The following HECW1 variants were observed in gnomAD, a reference collection of about 807,000 sequenced individuals.
HECW1 encodes HECT, C2 and WW domain containing E3 ubiquitin protein ligase 1.
Under a neutral mutation model 182.3 loss-of-function variants are expected in HECW1, and 61 were observed. The observed-to-expected ratio is 0.33, with a 90% CI of 0.27 to 0.41. The LOEUF is 0.41. Among genes scored for constraint, HECW1 ranks in the 10% least tolerant of loss-of-function variants. The pLI is 1.00. For missense variants in HECW1, 1,739 were observed against 2,108.9 expected (o/e 0.82, Z 3.44); for synonymous variants, 859 against 832.6 (o/e 1.03, Z -0.55).
chr7:43,372,684 G>A (rs920666681), intron 6 of HECW1, among the ~76,000 whole-genome samples: 1 of 151,554 alleles, frequency 6.6e-6, no homozygotes, highest in African/African-American at 2.4e-5. Flanking sequence ...TTTTTACAAG[G>A]AAAAAGCCTT....
At chr7:43,561,134 C>T (rs573345459) in intron 29 of HECW1, among the ~76,000 whole-genome samples, 36 of 152,316 alleles carry the variant, frequency 2.4e-4, no homozygotes, top group Non-Finnish European at 4.3e-4. Flanking sequence ...TAGCCTCTGG[C>T]GAGGAAGACA....
At chr7:43,382,953 C>T (rs1327143001) in intron 6 of HECW1, among the ~76,000 whole-genome samples, 1 of 152,096 alleles carries the variant, frequency 6.6e-6, no homozygotes, top group African/African-American at 2.4e-5. Context: ...CCCAACAGGC[C>T]CCAGTGTGTG....
At chr7:43,332,686 A>G (rs933537898) in intron 5 of HECW1, among the ~76,000 whole-genome samples, 8 of 152,166 alleles carry the variant, frequency 5.3e-5, no homozygotes, top group Non-Finnish European at 1.0e-4. Flanking sequence ...TCCCTGGGGA[A>G]CAGTACATGG....
intron 5 of HECW1, among the ~76,000 whole-genome samples, chr7:43,322,773 T>C (rs188397324): frequency 5.3e-5 from 8 of 152,324 alleles, no homozygotes; most frequent in African/African-American, 1.9e-4. Flanking sequence ...AATACTCGAA[T>C]GTGTGCACAA....
intron 26 of HECW1, among the ~76,000 whole-genome samples, chr7:43,545,322 A>T (rs924043301): frequency 4.6e-5 from 7 of 152,238 alleles, no homozygotes; most frequent in African/African-American, 1.7e-4. Flanking sequence ...AAATAACTGA[A>T]TGCATAAAAT....
At chr7:43,458,763 C>T (rs929493897) in intron 13 of HECW1, among the ~76,000 whole-genome samples, 7 of 152,130 alleles carry the variant, frequency 4.6e-5, no homozygotes, top group African/African-American at 1.2e-4. Flanking sequence ...ATCTCACATG[C>T]GACCACACAG....
At chr7:43,508,554 A>G (rs902941597) in intron 23 of HECW1, among the ~76,000 whole-genome samples, 1 of 152,156 alleles carries the variant, frequency 6.6e-6, no homozygotes, top group Non-Finnish European at 1.5e-5. Flanking sequence ...TATCAAAATG[A>G]ACTTGGAAGC....
At chr7:43,358,787 C>G (rs577263473) in intron 5 of HECW1, among the ~76,000 whole-genome samples, 21 of 151,272 alleles carry the variant, frequency 1.4e-4, no homozygotes, top group Admixed American at 1.2e-3. Context: ...AGCAATTTGG[C>G]CCCAGGAAGG....
chr7:43,170,894 G>A (rs1254093396), intron 2 of HECW1, among the ~76,000 whole-genome samples: 3 of 152,184 alleles, frequency 2.0e-5, no homozygotes, highest in Non-Finnish European at 2.9e-5. Flanking sequence ...GAGTGTCCTT[G>A]CCCACACAGG....
chr7:43,368,706 A>G (rs763204790), intron 6 of HECW1, among the ~76,000 whole-genome samples: 1 of 152,134 alleles, frequency 6.6e-6, no homozygotes, highest in Non-Finnish European at 1.5e-5. Flanking sequence ...GCTCACACTA[A>G]CGAGGCATTC....
At chr7:43,180,385 A>G (rs564830551) in intron 2 of HECW1, among the ~76,000 whole-genome samples, 1 of 147,886 alleles carries the variant, frequency 6.8e-6, no homozygotes, top group South Asian at 2.2e-4. Flanking sequence ...TTATTATTTT[A>G]TTTTTTTATT....
chr7:43,194,848 C>G (rs1049615175), intron 2 of HECW1, among the ~76,000 whole-genome samples: 3 of 152,138 alleles, frequency 2.0e-5, no homozygotes, highest in African/African-American at 4.8e-5. Flanking sequence ...CGCCTGCCCC[C>G]ACACCTGGCT....
At chr7:43,216,215 G>C (rs1323419800) in intron 2 of HECW1, among the ~76,000 whole-genome samples, 1 of 151,358 alleles carries the variant, frequency 6.6e-6, no homozygotes, top group Admixed American at 6.6e-5. Context: ...GTGCAACCTG[G>C]GCTCACTGCA....
chr7:43,194,306 T>C (rs995151926), intron 2 of HECW1: 2 of 152,188 alleles, frequency 1.3e-5, no homozygotes, highest in East Asian at 3.9e-4. Context: ...AACTTAATCT[T>C]AGTAGACATT....
chr7:43,445,068 C>T lies in HECW1; in HGVS notation c.1896C>T (p.His632=). The T allele has an allele frequency of 6.3e-7, 1 of 1,595,694 alleles. No homozygotes were observed. The highest frequency in any genetic ancestry group is 8.5e-7 in the Non-Finnish European group (1 of 1,172,000). Residue 632 remains histidine (H), a synonymous_variant, in exon 11 of 30, where the codon CAC becomes CAT. Transcript: ENST00000395891. Reference sequence around the variant, plus strand: ...CTCCAGGCACGGCGCACCCTGGCCACTCCGGGGGCCACTTCCCCAGCCTGG... The same window carrying T: ...CTCCAGGCACGGCGCACCCTGGCCATTCCGGGGGCCACTTCCCCAGCCTGG... ...GATPGTAHPG[H]SGGHFPSLAN...
chr7:43,200,031 T>C (rs190042278), intron 2 of HECW1, among the ~76,000 whole-genome samples: 355 of 152,344 alleles, frequency 2.3e-3, no homozygotes, highest in African/African-American at 8.1e-3. Flanking sequence ...ATAAATCCTT[T>C]TAGGGCTCAT....
chr7:43,117,445 C>A (rs910778488), intron 2 of HECW1, among the ~76,000 whole-genome samples: 19 of 150,790 alleles, frequency 1.3e-4, no homozygotes, highest in Non-Finnish European at 2.5e-4. Context: ...CCACCAAAGG[C>A]AGGAGTCAGA....
chr7:43,427,789 G>C (rs1020860467), intron 8 of HECW1, among the ~76,000 whole-genome samples: 1 of 152,064 alleles, frequency 6.6e-6, no homozygotes, highest in Non-Finnish European at 1.5e-5. Context: ...GCTAGTTATT[G>C]GCCAGAGCAG....
chr7:43,354,124 GA>G (rs1178971251), intron 5 of HECW1, among the ~76,000 whole-genome samples: 3 of 145,806 alleles, frequency 2.1e-5, no homozygotes, highest in Admixed American at 6.9e-5. Flanking sequence ...TATAGTAGGG[GA>G]AAAAAAAGAA....
Sources: allele counts gnomAD v4.1 joint callset (sites outside exome capture counted in the v4.1 genomes callset), GRCh38; gene constraint gnomAD v4.1.1; transcripts MANE v1.5; gene names NCBI Gene and HGNC (gene_info 2026-07-23, HGNC 2026-07-21).